The following COL23A1 variants were observed in gnomAD, a reference collection of about 807,000 sequenced individuals.
The protein encoded by COL23A1 is collagen type XXIII alpha 1 chain.
Under a neutral mutation model 99.3 loss-of-function variants are expected in COL23A1, and 97 were observed. The ratio of observed to expected loss-of-function variants is 0.98; its 90% confidence interval spans 0.83 to 1.16. COL23A1 has a LOEUF of 1.16. Ranked by LOEUF, COL23A1 falls within the 50% of genes most tolerant of loss-of-function variation. The probability of loss-of-function intolerance (pLI) is 0.00; values close to 1 mark genes in which losing one functional copy is unlikely to be tolerated. For missense variants in COL23A1, 762 were observed against 757.4 expected (o/e 1.01, Z -0.07); for synonymous variants, 320 against 308.2 (o/e 1.04, Z -0.40).
At chr5:178,268,606 G>A (rs1209403321) in intron 7 of COL23A1, 124 bp downstream of exon 7, 5 of 876,942 alleles carry the variant, frequency 5.7e-6, no homozygotes, top group Non-Finnish European at 8.4e-6. Context: ...CTACAGATGG[G>A]GAAACTGAGG....
intron 5 of COL23A1, among the ~76,000 whole-genome samples, chr5:178,276,219 T>A (rs998582522): frequency 2.6e-5 from 4 of 152,206 alleles, no homozygotes; most frequent in African/African-American, 9.6e-5. Flanking sequence ...TCCTCCTGAC[T>A]GCGGCCCAGC....
rs199761348 is a variant in COL23A1, at chr5:178,247,823, G to A, written c.1221C>T (p.Leu407=). Residue 407 remains leucine (L), a synonymous_variant, in exon 21 of 29, where the codon CTC becomes CTT. Coordinates refer to ENST00000390654, the MANE Select transcript of COL23A1 (RefSeq NM_173465.4). The stretch of plus-strand genomic sequence containing the variant: ...GGCCAGGGGGCCCTGGCTCCACTAT[G>A]AGCTGAGCCTAGGGAGGGTGAGAGA... ...SDSLQESLAQ[L]IVEPGPPGPP... The A allele has an allele frequency of 1.4e-5, 23 of 1,612,650 alleles. No individual in the cohort carries two copies. Among genetic ancestry groups the A allele is most frequent in the South Asian group, 4.4e-5 (4 of 90,830 alleles).
intron 2 of COL23A1, among the ~76,000 whole-genome samples, chr5:178,491,859 G>A (rs576872566): frequency 4.6e-5 from 7 of 151,834 alleles, no homozygotes; most frequent in South Asian, 2.1e-4. Context: ...CTCAGCCTCC[G>A]GAGTAGCTGG....
chr5:178,459,368 G>C (rs1319739232), intron 2 of COL23A1, among the ~76,000 whole-genome samples: 2 of 152,168 alleles, frequency 1.3e-5, no homozygotes, highest in East Asian at 3.8e-4. Context: ...GTTTACATAT[G>C]AAACAAGAAG....
At chr5:178,467,269 G>A (rs934610822) in intron 2 of COL23A1, among the ~76,000 whole-genome samples, 10 of 152,166 alleles carry the variant, frequency 6.6e-5, no homozygotes, top group African/African-American at 2.2e-4. Flanking sequence ...GGTCTGGGAC[G>A]CTGACCTCTC....
chr5:178,258,707 G>T (rs1379488273), intron 12 of COL23A1, among the ~76,000 whole-genome samples: 1 of 150,912 alleles, frequency 6.6e-6, no homozygotes, highest in African/African-American at 2.4e-5. Flanking sequence ...GTTTTTTTTG[G>T]TTTTTGAGAC....
chr5:178,464,455 C>T (rs560104809), intron 2 of COL23A1, among the ~76,000 whole-genome samples: 8 of 152,258 alleles, frequency 5.3e-5, no homozygotes, highest in Middle Eastern at 3.4e-3. Flanking sequence ...TCCATTCAGC[C>T]GCTGATGGTC....
chr5:178,431,652 G>A (rs1334245392), intron 2 of COL23A1, among the ~76,000 whole-genome samples: 1 of 152,224 alleles, frequency 6.6e-6, no homozygotes, highest in African/African-American at 2.4e-5. Flanking sequence ...AGCTGAAGAG[G>A]CAAAGAACGG....
intron 27 of COL23A1, among the ~76,000 whole-genome samples, chr5:178,241,835 C>T (rs1371055152): frequency 6.6e-6 from 1 of 152,184 alleles, no homozygotes; most frequent in African/African-American, 2.4e-5. Flanking sequence ...TGAGTCATGC[C>T]CATGGTTGGG....
chr5:178,275,240 T>C (rs116573818), intron 5 of COL23A1, among the ~76,000 whole-genome samples: 99 of 152,362 alleles, frequency 6.5e-4, no homozygotes, highest in African/African-American at 1.9e-3. Context: ...CCCAGACCAA[T>C]GCAAGATGCG....
chr5:178,453,273 G>A (rs926644941), intron 2 of COL23A1, among the ~76,000 whole-genome samples: 3 of 152,218 alleles, frequency 2.0e-5, no homozygotes, highest in Non-Finnish European at 4.4e-5. Context: ...GTGGGGAAGA[G>A]AACAGGACAT....
chr5:178,500,004 CATA>C (rs1758433700), intron 2 of COL23A1, among the ~76,000 whole-genome samples: 1 of 151,956 alleles, frequency 6.6e-6, no homozygotes, highest in African/African-American at 2.4e-5. Context: ...CTTGGAAGCC[CATA>C]ATAAGTTATA....
intron 5 of COL23A1, among the ~76,000 whole-genome samples, chr5:178,287,134 C>T (rs1403327232): frequency 1.3e-5 from 2 of 152,264 alleles, no homozygotes; most frequent in East Asian, 3.8e-4. Flanking sequence ...GAGCCTGACC[C>T]TTGCCTAATC....
chr5:178,465,683 G>A (rs1445423791), intron 2 of COL23A1, among the ~76,000 whole-genome samples: 15 of 152,202 alleles, frequency 9.9e-5, no homozygotes, highest in East Asian at 1.9e-4. Flanking sequence ...TGTCGGGAAC[G>A]CAGCAGTGAA....
intron 4 of COL23A1, among the ~76,000 whole-genome samples, chr5:178,289,619 C>T (rs959645115): frequency 1.2e-4 from 18 of 152,208 alleles, no homozygotes; most frequent in Non-Finnish European, 8.8e-5. Flanking sequence ...CCGACTAATT[C>T]CTGGGACAAC....
rs577224791 is a variant in COL23A1 at position 178,384,964 on chromosome 5, A to G, written c.362-78045T>C. On this transcript the variant is annotated intron_variant, in intron 2 of 28. Transcript: ENST00000390654. This position sits in a 1 kb window ranked among gnomAD's most constrained non-coding sequence, Gnocchi z 5.5. ...CCCAGCCTCCCTGCCTGCCCCATCCAAGCCACCACACTGGGCTGCCCAGCC... is the reference window on the plus strand; with the variant it reads ...CCCAGCCTCCCTGCCTGCCCCATCCGAGCCACCACACTGGGCTGCCCAGCC... Among the ~76,000 whole-genome samples, 1 of 152,180 alleles carries G rather than the reference A, an allele frequency of 6.6e-6. No individual in the cohort carries two copies. Among genetic ancestry groups the G allele is most frequent in the South Asian group, 2.1e-4 (1 of 4,822 alleles).
At chr5:178,288,535 A>T (rs1757280648) in intron 4 of COL23A1, 185 bp from the exon 5 acceptor site, 1 of 663,364 alleles carries the variant, frequency 1.5e-6, no homozygotes, top group Admixed American at 2.4e-5. Context: ...CCTGCCTCAG[A>T]GGGCCAGGCT....
chr5:178,430,918 T>A (rs1355506656), intron 2 of COL23A1, among the ~76,000 whole-genome samples: 2 of 151,962 alleles, frequency 1.3e-5, no homozygotes, highest in Non-Finnish European at 2.9e-5. Flanking sequence ...CGTGATGCCC[T>A]GGGTGAGTTC....
At chr5:178,534,106 A>G (rs535537843) in intron 2 of COL23A1, among the ~76,000 whole-genome samples, 1 of 152,294 alleles carries the variant, frequency 6.6e-6, no homozygotes, top group South Asian at 2.1e-4. Context: ...GGGCTGCGGT[A>G]ACAAAATACC....
Sources: allele counts gnomAD v4.1 joint callset (sites outside exome capture counted in the v4.1 genomes callset), GRCh38; gene constraint gnomAD v4.1.1; non-coding constraint Gnocchi (gnomAD v3.1); transcripts MANE v1.5; gene names NCBI Gene and HGNC (gene_info 2026-07-23, HGNC 2026-07-21).